Variants in EBF2 observed in about 807,000 individuals in gnomAD.
EBF2 encodes transcription factor COE2.
EBF2 carries 21 observed loss-of-function variants against 72.8 expected under a neutral mutation model. The ratio of observed to expected loss-of-function variants is 0.29; its 90% CI spans 0.20 to 0.42. EBF2 has a LOEUF of 0.42. Among genes scored for constraint, EBF2 ranks in the 10% least tolerant of loss-of-function variants. The pLI is 1.00. For missense variants in EBF2, 637 were observed against 731.2 expected (o/e 0.87, Z 1.49); for synonymous variants, 299 against 274.2 (o/e 1.09, Z -0.89).
intron 6 of EBF2, among the ~76,000 whole-genome samples, chr8:26,005,555 T>TAGAG (rs1489907148): frequency 1.1e-3 from 33 of 30,828 alleles, no homozygotes; most frequent in African/African-American, 6.6e-3. Flanking sequence ...TATATATATA[T>TAGAG]ATATATAGAG....
chr8:25,863,866 T>C (rs1802255074), intron 10 of EBF2, among the ~76,000 whole-genome samples: 1 of 152,164 alleles, frequency 6.6e-6, no homozygotes, highest in South Asian at 2.1e-4. Context: ...TACTTAAAAT[T>C]ATTCAGAGAC....
chr8:25,850,849 A>ATTTCC (rs1271745882), intron 14 of EBF2, 88 bp from the exon 15 acceptor site: 1 of 1,405,946 alleles, frequency 7.1e-7, no homozygotes, highest in Non-Finnish European at 9.5e-7. Context: ...GAAATTGTTA[A>ATTTCC]TTTCCATGCA....
chr8:25,866,635 ATT>A (rs869254548), intron 10 of EBF2, among the ~76,000 whole-genome samples: 6,737 of 76,920 alleles, frequency 0.088, 402 homozygotes, highest in African/African-American at 0.21. Context: ...ATATATATAT[ATT>A]TTTTTTTTTT....
chr8:26,012,269 T>C (rs1563208286), intron 6 of EBF2, among the ~76,000 whole-genome samples: 3 of 152,168 alleles, frequency 2.0e-5, no homozygotes. Flanking sequence ...TTGCTTAGTA[T>C]ATATAAATAT....
chr8:26,013,464 G>C lies in EBF2; in HGVS notation c.551+19621C>G, dbSNP rs563285681. Among the ~76,000 whole-genome samples the C allele has an allele frequency of 2.0e-5, 3 of 152,276 alleles. No homozygotes were observed. In the South Asian group the frequency reaches 6.2e-4, roughly 32 times the overall value. The stretch of plus-strand genomic sequence containing the variant: ...GAAGGAATATCAAGGCAGTGTGGAA[G>C]CACTTCTGCTATATCAGGCGGTTCT... On this transcript the variant is annotated intron_variant, in intron 6 of 15. Transcript: ENST00000520164.
chr8:25,844,889 G>GTT (rs1194759311), intron 15 of EBF2, among the ~76,000 whole-genome samples: 1 of 152,226 alleles, frequency 6.6e-6, no homozygotes, highest in Non-Finnish European at 1.5e-5. Flanking sequence ...GAGGCCAGGA[G>GTT]TTATGTTTTG....
At chr8:25,983,158 G>T (rs1804390927) in intron 6 of EBF2, among the ~76,000 whole-genome samples, 1 of 152,110 alleles carries the variant, frequency 6.6e-6, no homozygotes, top group Admixed American at 6.6e-5. Context: ...CAAAAATAGT[G>T]TAGAAATGGT....
chr8:25,889,930 G>A lies in EBF2; in HGVS notation c.634-61C>T, dbSNP rs1030450714. ...AGTGGAATTAGTTTCACATGAAGTA[G>A]CAAATGCACCAAAATTCTGTTTTGC... is the stretch of plus-strand genomic sequence containing the variant. On this transcript the variant is annotated intron_variant, in intron 7 of 15. Transcript: ENST00000520164. The A allele has an allele frequency of 6.4e-6, 9 of 1,411,828 alleles. 1 individual carries two copies. In the Admixed American group the frequency reaches 6.7e-5, roughly 11 times the overall value. 87.5% of individuals were successfully genotyped at this position (1,411,828 alleles called of 1,614,324 possible). A position where few individuals can be genotyped will look rare whatever the true frequency, so the allele number is the denominator to read the frequency against.
chr8:25,891,478 A>C (rs1167596232), intron 7 of EBF2, among the ~76,000 whole-genome samples: 1 of 152,206 alleles, frequency 6.6e-6, no homozygotes, highest in Non-Finnish European at 1.5e-5. Context: ...GTGTTTAAAA[A>C]TGACTCTTCC....
chr8:25,978,368 T>TAGCA (rs1804301588), intron 6 of EBF2, among the ~76,000 whole-genome samples: 1 of 152,196 alleles, frequency 6.6e-6, no homozygotes, highest in Admixed American at 6.5e-5. Flanking sequence ...TGCCTGCCTT[T>TAGCA]CTCCCCAAGC....
At chr8:26,015,458 TGCTCG>T (rs1433835760) in intron 6 of EBF2, among the ~76,000 whole-genome samples, 2 of 152,204 alleles carry the variant, frequency 1.3e-5, no homozygotes, top group Non-Finnish European at 2.9e-5. Context: ...TGCAACTAGG[TGCTCG>T]CTATGCATTT....
chr8:25,901,662 T>C (rs1449316422), intron 7 of EBF2, among the ~76,000 whole-genome samples: 1 of 152,208 alleles, frequency 6.6e-6, no homozygotes, highest in Non-Finnish European at 1.5e-5. Context: ...ATTTGTGTCC[T>C]ATAATAGGTG....
At chr8:25,880,026 T>C (rs1802582271) in intron 10 of EBF2, among the ~76,000 whole-genome samples, 1 of 152,252 alleles carries the variant, frequency 6.6e-6, no homozygotes, top group Non-Finnish European at 1.5e-5. Context: ...CATTGCTAGC[T>C]TTCTATTTGG....
intron 14 of EBF2, 93 bp from the exon 15 acceptor site, chr8:25,850,854 C>T (rs550687047): frequency 1.4e-6 from 2 of 1,394,748 alleles, no homozygotes; most frequent in Middle Eastern, 1.8e-4. Context: ...TGTTAATTTC[C>T]ATGCATTGTT....
At chr8:25,949,195 A>G (rs985075269) in intron 6 of EBF2, among the ~76,000 whole-genome samples, 1 of 152,150 alleles carries the variant, frequency 6.6e-6, no homozygotes, top group African/African-American at 2.4e-5. Flanking sequence ...ATTGGGGTGC[A>G]GAGAGGTCAG....
chr8:25,867,147 T>G (rs1213087041), intron 10 of EBF2, among the ~76,000 whole-genome samples: 1 of 152,212 alleles, frequency 6.6e-6, no homozygotes, highest in Non-Finnish European at 1.5e-5. Flanking sequence ...GTATCAGTTA[T>G]TGTTATTGCT....
chr8:25,952,364 TTTA>T (rs1343708477), intron 6 of EBF2, among the ~76,000 whole-genome samples: 2 of 152,090 alleles, frequency 1.3e-5, no homozygotes, highest in Non-Finnish European at 2.9e-5. Context: ...TTGTAATTAT[TTTA>T]TTATTTTATC....
intron 6 of EBF2, among the ~76,000 whole-genome samples, chr8:25,950,506 G>A (rs573370348): frequency 2.6e-5 from 4 of 152,326 alleles, no homozygotes; most frequent in Non-Finnish European, 4.4e-5. Context: ...TACCCAGGCC[G>A]CCACTGGCCA....
chr8:25,897,231 A>G (rs896927606), intron 7 of EBF2, among the ~76,000 whole-genome samples: 23 of 152,000 alleles, frequency 1.5e-4, no homozygotes, highest in Non-Finnish European at 2.6e-4. Flanking sequence ...TTAAAAAAAA[A>G]TACATATTTT....
Sources: allele counts gnomAD v4.1 joint callset (sites outside exome capture counted in the v4.1 genomes callset), GRCh38; gene constraint gnomAD v4.1.1; transcripts MANE v1.5; gene names NCBI Gene and HGNC (gene_info 2026-07-23, HGNC 2026-07-21).